The following ENOX1 variants were observed in gnomAD, a reference collection of about 807,000 sequenced individuals.
The protein encoded by ENOX1 is candidate growth-related and time keeping constitutive hydroquinone (NADH) oxidase.
ENOX1 carries 42 observed loss-of-function variants against 82.5 expected under a neutral mutation model. The ratio of observed to expected loss-of-function variants is 0.51; its 90% CI spans 0.40 to 0.66. The LOEUF is 0.66. Among genes scored for constraint, ENOX1 ranks in the 30% least tolerant of loss-of-function variants. The pLI is 0.00. For missense variants in ENOX1, 608 were observed against 811.6 expected, an observed-to-expected ratio of 0.75 and a Z score of 3.05; for synonymous variants, 271 against 282.2, an observed-to-expected ratio of 0.96 and a Z score of 0.40.
At chr13:43,443,222 T>C (rs2056451968) in intron 3 of ENOX1, among the ~76,000 whole-genome samples, 1 of 152,208 alleles carries the variant, frequency 6.6e-6, no homozygotes, top group South Asian at 2.1e-4. Flanking sequence ...AGAGAATCTG[T>C]GACCAAAAAT....
intron 2 of ENOX1, among the ~76,000 whole-genome samples, chr13:43,506,386 T>C (rs1220738109): frequency 1.3e-5 from 2 of 150,904 alleles, no homozygotes; most frequent in Admixed American, 1.3e-4. Flanking sequence ...ACACTGTTAG[T>C]GGGACTGTAA....
chr13:43,647,180 C>G (rs2083933496), intron 2 of ENOX1, among the ~76,000 whole-genome samples: 2 of 152,186 alleles, frequency 1.3e-5, no homozygotes, highest in African/African-American at 4.8e-5. Context: ...GTCTCATTCA[C>G]TCATTAGCCA....
At chr13:43,602,915 GAAA>G (rs1211216130) in intron 2 of ENOX1, among the ~76,000 whole-genome samples, 1 of 152,168 alleles carries the variant, frequency 6.6e-6, no homozygotes, top group East Asian at 1.9e-4. Context: ...ATTTCTAAGG[GAAA>G]AAGTATCAAA....
intron 12 of ENOX1, among the ~76,000 whole-genome samples, chr13:43,271,676 C>T (rs968236495): frequency 6.6e-6 from 1 of 151,934 alleles, no homozygotes; most frequent in African/African-American, 2.4e-5. Flanking sequence ...AACACACACA[C>T]ACACACACAC....
At chr13:43,681,412 T>C (rs1319514234) in intron 1 of ENOX1, among the ~76,000 whole-genome samples, 1 of 152,044 alleles carries the variant, frequency 6.6e-6, no homozygotes, top group Non-Finnish European at 1.5e-5. Context: ...GACAACAAAA[T>C]GTATACATTT....
At chr13:43,309,133 T>C (rs1024646640) in intron 11 of ENOX1, among the ~76,000 whole-genome samples, 1 of 151,624 alleles carries the variant, frequency 6.6e-6, no homozygotes, top group Non-Finnish European at 1.5e-5. Context: ...ACGATTCTCC[T>C]GCCTCAGCCT....
chr13:43,656,040 CA>C (rs1281930238), intron 2 of ENOX1, among the ~76,000 whole-genome samples: 3 of 152,126 alleles, frequency 2.0e-5, no homozygotes, highest in Non-Finnish European at 4.4e-5. Context: ...AATGATGTCT[CA>C]AGTAAGAAAC....
At chr13:43,510,424 T>C (rs543234224) in intron 2 of ENOX1, among the ~76,000 whole-genome samples, 25 of 152,222 alleles carry the variant, frequency 1.6e-4, no homozygotes, top group African/African-American at 5.5e-4. Context: ...TAATAGGTAT[T>C]CTGTAAAATT....
intron 5 of ENOX1, among the ~76,000 whole-genome samples, chr13:43,406,571 C>A (rs1192057681): frequency 6.6e-6 from 1 of 150,510 alleles, no homozygotes; most frequent in Middle Eastern, 3.2e-3. Context: ...CGGCTCACTG[C>A]AAGCTCCGCC....
chr13:43,533,757 C>T (rs1050792070), intron 2 of ENOX1, among the ~76,000 whole-genome samples: 3 of 152,140 alleles, frequency 2.0e-5, no homozygotes, highest in African/African-American at 7.2e-5. Flanking sequence ...ACAGAGTTAG[C>T]CTCATTAAAC....
chr13:43,440,473 T>A (rs562190006), intron 3 of ENOX1, among the ~76,000 whole-genome samples: 5 of 152,298 alleles, frequency 3.3e-5, no homozygotes, highest in Admixed American at 6.5e-5. Flanking sequence ...ACGACATTTT[T>A]AAAGACATTT....
At chr13:43,573,058 A>T (rs1672422507) in intron 2 of ENOX1, among the ~76,000 whole-genome samples, 1 of 152,234 alleles carries the variant, frequency 6.6e-6, no homozygotes, top group Non-Finnish European at 1.5e-5. Context: ...AATATAAGGC[A>T]TTCCAGAAAG....
chr13:43,548,715 T>C lies in ENOX1; in HGVS notation c.-218-64563A>G, dbSNP rs145896319. Among the ~76,000 whole-genome samples, 635 of 152,304 alleles carry C rather than the reference T, an allele frequency of 4.2e-3. 20 individuals are homozygous for C. Among genetic ancestry groups the C allele is most frequent in the Admixed American group, 0.038 (574 of 15,298 alleles). On this transcript the variant is annotated intron_variant, in intron 2 of 16. Transcript: ENST00000690772. ...AGCCCTGGTGGCCTATTCCTACAGA[T>C]GTACCACTTGGATTCCATAAGCTAA...
At chr13:43,775,584 C>T (rs764966134) in intron 1 of ENOX1, among the ~76,000 whole-genome samples, 58 of 152,196 alleles carry the variant, frequency 3.8e-4, no homozygotes, top group Non-Finnish European at 7.1e-4. Context: ...CTAAACTGCT[C>T]CTGGCATCTG....
chr13:43,667,321 G>A (rs1446124309), intron 2 of ENOX1, 158 bp downstream of exon 2: 1 of 301,780 alleles, frequency 3.3e-6, no homozygotes, highest in Non-Finnish European at 4.9e-6. Context: ...CCAAATGCAT[G>A]TTAGTTCAGA....
intron 12 of ENOX1, among the ~76,000 whole-genome samples, chr13:43,274,274 A>G (rs753468990): frequency 2.0e-5 from 3 of 152,256 alleles, no homozygotes; most frequent in Non-Finnish European, 2.9e-5. Context: ...TTTCACCACA[A>G]TAAGAACAAA....
intron 15 of ENOX1, among the ~76,000 whole-genome samples, chr13:43,229,989 G>T (rs553735537): frequency 6.6e-6 from 1 of 152,270 alleles, no homozygotes; most frequent in African/African-American, 2.4e-5. Context: ...GTATACATTT[G>T]CAATGGCAAC....
At chr13:43,548,734 A>G (rs916303676) in intron 2 of ENOX1, among the ~76,000 whole-genome samples, 1 of 152,116 alleles carries the variant, frequency 6.6e-6, no homozygotes, top group Non-Finnish European at 1.5e-5. Flanking sequence ...TGGATTCCAT[A>G]AGCTAAGACG....
Position 43,610,112 on chromosome 13 carries a change from C to T in ENOX1, c.-219+57367G>A, listed in dbSNP as rs144539091. On this transcript the variant is annotated intron_variant, in intron 2 of 16. Transcript: ENST00000690772. Reference sequence around the variant, plus strand: ...TCCAAATGCTGGGAATTGCAAAGTGCCTGTTCTTAGCACATGATATCTACC... The same window carrying T: ...TCCAAATGCTGGGAATTGCAAAGTGTCTGTTCTTAGCACATGATATCTACC... Among the ~76,000 whole-genome samples, 390 of 152,278 alleles carry T rather than the reference C, an allele frequency of 2.6e-3. 3 individuals carry two copies. The highest frequency in any genetic ancestry group is 8.9e-3 in the African/African-American group (371 of 41,562).
Sources: gnomAD v4.1 joint callset for allele counts (sites outside exome capture counted in the v4.1 genomes callset) on GRCh38, gnomAD v4.1.1 for gene constraint, MANE v1.5 for transcripts, NCBI Gene and HGNC (gene_info 2026-07-23, HGNC 2026-07-21) for gene names.